The following PXDN variants were observed in gnomAD, a reference collection of about 807,000 sequenced individuals.
PXDN encodes peroxidasin, also known as peroxidasin homolog.
Under a neutral mutation model 140.3 loss-of-function variants are expected in PXDN, and 77 were observed. That is an observed-to-expected ratio of 0.55 (90% CI 0.46 to 0.66). PXDN has a LOEUF of 0.66. Ranked by LOEUF, PXDN falls within the 30% of genes least tolerant of loss-of-function variation. The pLI, the probability that PXDN is intolerant of heterozygous loss-of-function variation, is 0.00. For synonymous variants in PXDN, 911 were observed against 857.4 expected, an observed-to-expected ratio of 1.06 and a Z score of -1.09; for missense variants, 1,838 against 2,039.5, an observed-to-expected ratio of 0.90 and a Z score of 1.90.
intron 21 of PXDN, chr2:1,636,983 C>T (rs1682576031): frequency 6.6e-6 from 1 of 152,334 alleles, no homozygotes; most frequent in Non-Finnish European, 1.5e-5. Context: ...TCACAAGGAA[C>T]ATCCACATTT....
chr2:1,714,707 AT>A lies in PXDN; in HGVS notation c.201-21574del, dbSNP rs1360628071. ...TTTTATTTATGGTGCTGAAATTCCA[AT>A]TTCATAAAATGTCCACAGCATGAAA... is the stretch of plus-strand genomic sequence containing the variant. On this transcript the variant is annotated intron_variant, in intron 1 of 22. Coordinates refer to ENST00000252804, the MANE Select transcript of PXDN (RefSeq NM_012293.3). The surrounding 1 kb of genome is among the most constrained non-coding windows in gnomAD (Gnocchi z 4.3). 6.6e-6 allele frequency among the ~76,000 whole-genome samples: 1 copy of A among 152,198 alleles called. No homozygotes were observed. The highest frequency in any genetic ancestry group is 6.5e-5 in the Admixed American group (1 of 15,282).
intron 8 of PXDN, chr2:1,676,169 G>A (rs1274871207): frequency 2.7e-5 from 2 of 73,244 alleles, no homozygotes; most frequent in Admixed American, 2.0e-4. Context: ...CCCCTTGCAC[G>A]CCTTTCACCT....
intron 1 of PXDN, among the ~76,000 whole-genome samples, chr2:1,696,711 A>C (rs1431365883): frequency 6.6e-6 from 1 of 152,180 alleles, no homozygotes; most frequent in Non-Finnish European, 1.5e-5. Context: ...AGCTAGAAAG[A>C]TTGTCACCAA....
intron 1 of PXDN, among the ~76,000 whole-genome samples, chr2:1,707,729 T>C (rs1280990504): frequency 1.3e-5 from 2 of 152,210 alleles, no homozygotes; most frequent in African/African-American, 4.8e-5. Context: ...GAACACACTC[T>C]GGGTTCTTCA....
At position 1,687,456 on chromosome 2, in the gene PXDN, C is replaced by A. The variant is rs748831241; in HGVS notation, c.416+176G>T. ...AGGGCTGGCTGGGTGGAAGGCGGGGCGGAGGGCAAATGACTCGCCCATCCC... is the reference window on the plus strand; with the variant it reads ...AGGGCTGGCTGGGTGGAAGGCGGGGAGGAGGGCAAATGACTCGCCCATCCC... On this transcript the variant is annotated intron_variant, in intron 4 of 22. Transcript: ENST00000252804. The surrounding 1 kb of genome is among the most constrained non-coding windows in gnomAD (Gnocchi z 4.0). 6.6e-6 allele frequency among the ~76,000 whole-genome samples: 1 copy of A among 152,162 alleles called. No individual in the cohort carries two copies. Among genetic ancestry groups the A allele is most frequent in the Admixed American group, 6.5e-5 (1 of 15,278 alleles).
At chr2:1,692,036 C>A in intron 2 of PXDN, 37 bp from the exon 3 acceptor site, 1 of 1,407,342 alleles carries the variant, frequency 7.1e-7, no homozygotes, top group Non-Finnish European at 9.6e-7. Context: ...TAAAAAACAA[C>A]AGAAAACAAA....
At chr2:1,741,942 C>T (rs72765514) in intron 1 of PXDN, among the ~76,000 whole-genome samples, 8,602 of 152,166 alleles carry the variant, frequency 0.057, 324 homozygotes, top group Middle Eastern at 0.085. Context: ...AACAGGATAT[C>T]CCCGCAGAAT....
rs1010260148 is a variant in PXDN, at chr2:1,714,078, C to T, written c.201-20944G>A. ...CACTGGCGGCTTTGGAAATGGCCTT[C>T]GGATAAACAGCTTCAAGAAAGCGCA... On this transcript the variant is annotated intron_variant, in intron 1 of 22. Transcript: ENST00000252804. This position sits in a 1 kb window ranked among gnomAD's most constrained non-coding sequence, Gnocchi z 4.3. Among the ~76,000 whole-genome samples the T allele has an allele frequency of 3.3e-5, 5 of 152,182 alleles. No homozygotes were observed. Among genetic ancestry groups the T allele is most frequent in the Admixed American group, 6.5e-5 (1 of 15,276 alleles).
intron 16 of PXDN, chr2:1,653,372 G>A (rs1291860007): frequency 1.5e-5 from 8 of 516,208 alleles, no homozygotes; most frequent in Non-Finnish European, 2.5e-5. Flanking sequence ...ACCCACTCAG[G>A]GCAGGTGGAC....
rs1428138019 is a variant in PXDN, at chr2:1,714,727, C to A, written c.201-21593G>T. ...TTCCAATTTCATAAAATGTCCACAG[C>A]ATGAAATATTTACTCTTCTTTTGAT... On this transcript the variant is annotated intron_variant, in intron 1 of 22. Transcript: ENST00000252804. This position sits in a 1 kb window ranked among gnomAD's most constrained non-coding sequence, Gnocchi z 4.3. Among the ~76,000 whole-genome samples the A allele has an allele frequency of 6.6e-6, 1 of 152,180 alleles. No individual in the cohort carries two copies. Among genetic ancestry groups the A allele is most frequent in the East Asian group, 1.9e-4 (1 of 5,182 alleles).
At chr2:1,733,097 G>A (rs947147662) in intron 1 of PXDN, among the ~76,000 whole-genome samples, 5 of 152,142 alleles carry the variant, frequency 3.3e-5, no homozygotes, top group Non-Finnish European at 7.3e-5. Flanking sequence ...TGAGAGAGCT[G>A]TGGCCTAATA....
At position 1,679,833 on chromosome 2, in the gene PXDN, G is replaced by T. The variant is rs567986710; in HGVS notation, c.730+360C>A. ...TGTGTGTGTAAATGGTGTGTGTGTG[G>T]ATGGTGTGTGTGTGTATGTGCGTGT... On this transcript the variant is annotated intron_variant, in intron 7 of 22. Transcript: ENST00000252804. Among the ~76,000 whole-genome samples, 59 of 132,716 alleles carry T rather than the reference G, an allele frequency of 4.4e-4. 1 individual carries two copies. Among genetic ancestry groups the T allele is most frequent in the Admixed American group, 4.2e-3 (54 of 12,816 alleles). 87.1% of individuals were successfully genotyped at this position (132,716 alleles called of 152,430 possible).
At chr2:1,689,445 G>A (rs1404075683) in intron 3 of PXDN, among the ~76,000 whole-genome samples, 1 of 152,222 alleles carries the variant, frequency 6.6e-6, no homozygotes, top group Non-Finnish European at 1.5e-5. Flanking sequence ...ATGTGTGAAT[G>A]TGTGTTTATA....
At position 1,714,734 on chromosome 2, in the gene PXDN, T is replaced by C. The variant is rs887445968; in HGVS notation, c.201-21600A>G. ...TTCATAAAATGTCCACAGCATGAAA[T>C]ATTTACTCTTCTTTTGATTTTTTTC... On this transcript the variant is annotated intron_variant, in intron 1 of 22. Transcript: ENST00000252804. This position sits in a 1 kb window ranked among gnomAD's most constrained non-coding sequence, Gnocchi z 4.3. Among the ~76,000 whole-genome samples the C allele has an allele frequency of 5.3e-5, 8 of 152,170 alleles. No individual in the cohort carries two copies. The highest frequency in any genetic ancestry group is 1.9e-4 in the African/African-American group (8 of 41,450).
Position 1,719,686 on chromosome 2 carries a change from A to G in PXDN, c.200+24570T>C, listed in dbSNP as rs79514368. The stretch of plus-strand genomic sequence containing the variant: ...AAGCCTGACCATCAGTGACTAGCAC[A>G]TGGACCACTGTCCTGGGTCAGGCGC... On this transcript the variant is annotated intron_variant, in intron 1 of 22. Coordinates refer to ENST00000252804, the MANE Select transcript of PXDN (RefSeq NM_012293.3). Among the ~76,000 whole-genome samples the G allele has an allele frequency of 0.02, 3,109 of 152,284 alleles. 315 individuals carry two copies. In the East Asian group the frequency reaches 0.33, roughly 16 times the overall value.
intron 1 of PXDN, among the ~76,000 whole-genome samples, chr2:1,695,920 G>T (rs1684291126): frequency 9.4e-6 from 1 of 106,922 alleles, no homozygotes; most frequent in Non-Finnish European, 1.9e-5. Flanking sequence ...ACAGAGAGGT[G>T]CTGTCCCATC....
At chr2:1,692,719 G>T in intron 2 of PXDN, 1 of 431,470 alleles carries the variant, frequency 2.3e-6, no homozygotes. Context: ...GCTCAATCTT[G>T]CCACGGAGGA....
chr2:1,720,645 C>CTTTCTCTCTCTCTGCATG (rs1558526123), intron 1 of PXDN, among the ~76,000 whole-genome samples: 5 of 151,034 alleles, frequency 3.3e-5, no homozygotes, highest in African/African-American at 1.2e-4. Flanking sequence ...CTCTCTGCAT[C>CTTTCTCTCTCTCTGCATG]TCTTTCTCTC....
At chr2:1,690,163 T>G (rs571300346) in intron 3 of PXDN, among the ~76,000 whole-genome samples, 2 of 152,304 alleles carry the variant, frequency 1.3e-5, no homozygotes, top group South Asian at 4.1e-4. Context: ...CTGCAGCTGC[T>G]GGGTGAAAGG....
Sources: gnomAD v4.1 joint callset for allele counts (sites outside exome capture counted in the v4.1 genomes callset) on GRCh38, gnomAD v4.1.1 for gene constraint, Gnocchi (gnomAD v3.1) non-coding constraint, MANE v1.5 for transcripts, NCBI Gene and HGNC (gene_info 2026-07-23, HGNC 2026-07-21) for gene names.